The following CNBD1 variants were observed in gnomAD, a reference collection of about 807,000 sequenced individuals.
CNBD1 encodes cyclic nucleotide binding domain containing 1, also known as cyclic nucleotide-binding domain-containing protein 1.
Under a neutral mutation model 54.4 loss-of-function variants are expected in CNBD1, and 71 were observed. That is an observed-to-expected ratio of 1.30 (90% CI 1.08 to 1.59). The LOEUF is 1.59. Ranked by LOEUF, CNBD1 falls within the 40% of genes most tolerant of loss-of-function variation. CNBD1 has a pLI of 0.00. For missense variants in CNBD1, 659 were observed against 518.0 expected (o/e 1.27, Z -2.64); for synonymous variants, 182 against 170.7 (o/e 1.07, Z -0.51).
intron 8 of CNBD1, among the ~76,000 whole-genome samples, chr8:87,348,015 CT>C (rs575421301): frequency 6.4e-4 from 97 of 152,212 alleles, no homozygotes; most frequent in Non-Finnish European, 1.2e-3. Context: ...TTGTCTATAA[CT>C]GTTTTCCAAA....
At position 87,323,792 on chromosome 8, in the gene CNBD1, A is replaced by G. The variant is rs1241048993; in HGVS notation, c.1043-27893A>G. 2.0e-5 allele frequency among the ~76,000 whole-genome samples: 2 copies of G among 101,218 alleles called. 1 individual carries two copies. Among genetic ancestry groups the G allele is most frequent in the Non-Finnish European group, 4.9e-5 (2 of 40,948 alleles). 66.4% of individuals were successfully genotyped at this position (101,218 alleles called of 152,430 possible). ...CTCTTTTCCTAATTGAATACCCTTT[A>G]TTTCCTTCTCCTGCCTGATTGCCCT... is the stretch of plus-strand genomic sequence containing the variant. On this transcript the variant is annotated intron_variant, in intron 8 of 10. Transcript: ENST00000518476.
At chr8:87,111,594 C>T (rs7015103) in intron 4 of CNBD1, among the ~76,000 whole-genome samples, 14,037 of 152,146 alleles carry the variant, frequency 0.092, 2,078 homozygotes, top group African/African-American at 0.31. Flanking sequence ...GGTTTGAGAA[C>T]TGGCTCAGGG....
chr8:87,347,428 G>A (rs887873423), intron 8 of CNBD1, among the ~76,000 whole-genome samples: 2 of 152,264 alleles, frequency 1.3e-5, no homozygotes, highest in East Asian at 3.9e-4. Context: ...CCTTGATGGA[G>A]CTTGCATCCT....
intron 4 of CNBD1, among the ~76,000 whole-genome samples, chr8:87,132,601 T>C (rs1812140844): frequency 6.8e-6 from 1 of 148,098 alleles, no homozygotes; most frequent in Non-Finnish European, 1.5e-5. Context: ...TTCTTATATA[T>C]CAAGATATAT....
intron 4 of CNBD1, among the ~76,000 whole-genome samples, chr8:87,203,306 A>T (rs1418578608): frequency 6.6e-6 from 1 of 152,202 alleles, no homozygotes; most frequent in Non-Finnish European, 1.5e-5. Context: ...CATACATACT[A>T]TTATACATTT....
intron 10 of CNBD1, among the ~76,000 whole-genome samples, chr8:87,364,052 G>A (rs116264095): frequency 0.015 from 2,243 of 151,548 alleles, 57 homozygotes; most frequent in African/African-American, 0.048. Flanking sequence ...GTTTTCTAAG[G>A]TGTTTCTCAA....
At chr8:87,239,676 A>G (rs1807652857) in intron 6 of CNBD1, among the ~76,000 whole-genome samples, 1 of 152,178 alleles carries the variant, frequency 6.6e-6, no homozygotes. Context: ...CATCTAATCC[A>G]AGGATCAAAT....
chr8:86,945,130 C>T (rs1807436189), intron 4 of CNBD1, among the ~76,000 whole-genome samples: 1 of 152,072 alleles, frequency 6.6e-6, no homozygotes, highest in South Asian at 2.1e-4. Flanking sequence ...TTGGTTTCTT[C>T]ATAAATGACT....
chr8:87,318,050 A>T (rs2130896593), intron 8 of CNBD1, among the ~76,000 whole-genome samples: 1 of 152,090 alleles, frequency 6.6e-6, no homozygotes, highest in South Asian at 2.1e-4. Context: ...TAGAAATTTA[A>T]TTTGACTCAT....
At chr8:87,388,208 G>C (rs889706551) in intron 2 of CNBD1, among the ~76,000 whole-genome samples, 3 of 152,000 alleles carry the variant, frequency 2.0e-5, no homozygotes, top group African/African-American at 7.3e-5. Flanking sequence ...AGAAGCAAGA[G>C]AAAACACATT....
At chr8:87,370,422 A>G (rs1341545694) in intron 10 of CNBD1, among the ~76,000 whole-genome samples, 10 of 152,082 alleles carry the variant, frequency 6.6e-5, no homozygotes, top group Non-Finnish European at 1.0e-4. Context: ...TGCCATTCTA[A>G]CTGGTGTGAG....
At chr8:87,322,842 C>T (rs1352911148) in intron 8 of CNBD1, among the ~76,000 whole-genome samples, 1 of 114,108 alleles carries the variant, frequency 8.8e-6, no homozygotes, top group African/African-American at 3.4e-5. Context: ...TCTTTTGTTG[C>T]CATTGCTTTT....
At chr8:87,324,248 A>G (rs978231100) in intron 8 of CNBD1, among the ~76,000 whole-genome samples, 5 of 126,576 alleles carry the variant, frequency 4.0e-5, no homozygotes, top group African/African-American at 1.5e-4. Context: ...CATCAAGGAT[A>G]TTGATCTAAA....
chr8:86,963,397 C>G (rs760239019), intron 4 of CNBD1, among the ~76,000 whole-genome samples: 5 of 152,178 alleles, frequency 3.3e-5, no homozygotes, highest in African/African-American at 4.8e-5. Context: ...CTGTCATCTG[C>G]CTCAGGTCTA....
intron 4 of CNBD1, among the ~76,000 whole-genome samples, chr8:86,970,406 C>G (rs1808192481): frequency 6.6e-6 from 1 of 152,042 alleles, no homozygotes; most frequent in South Asian, 2.1e-4. Context: ...CACCAATTCC[C>G]CTTTTAGCTA....
intron 6 of CNBD1, among the ~76,000 whole-genome samples, chr8:87,255,985 A>G (rs1443990295): frequency 0.066 from 747 of 11,340 alleles, 17 homozygotes; most frequent in Non-Finnish European, 0.086. Flanking sequence ...ATATATATAT[A>G]TATATATATA....
intron 2 of CNBD1, among the ~76,000 whole-genome samples, chr8:87,405,035 A>T (rs1420857423): frequency 1.3e-5 from 2 of 150,172 alleles, no homozygotes; most frequent in Non-Finnish European, 2.9e-5. Context: ...CTGCTATCTT[A>T]TATATCAGTA....
At chr8:86,919,037 A>G (rs1165679718) in intron 3 of CNBD1, among the ~76,000 whole-genome samples, 1 of 151,918 alleles carries the variant, frequency 6.6e-6, no homozygotes, top group African/African-American at 2.4e-5. Context: ...TTTTAAAAAA[A>G]AAGAGAAAGG....
rs116776042 is a variant in CNBD1 at position 87,339,326 on chromosome 8, C to T, written c.1043-12359C>T. ...GGAGTTTTTGTGTCTCAGGCTTGCC[C>T]ACACCAAGCTCCAACAATTTGTCAG... On this transcript the variant is annotated intron_variant, in intron 8 of 10. Coordinates refer to ENST00000518476, the MANE Select transcript of CNBD1 (RefSeq NM_173538.3). 7.9e-4 allele frequency among the ~76,000 whole-genome samples: 113 copies of T among 142,292 alleles called. 1 individual carries two copies. Among genetic ancestry groups the T allele is most frequent in the African/African-American group, 2.7e-3 (109 of 40,614 alleles). The allele number at this position is 142,292 out of a possible 152,430, so 93.3% of individuals were successfully genotyped here. A position where few individuals can be genotyped will look rare whatever the true frequency, so the allele number is the denominator to read the frequency against.
Sources: gnomAD v4.1 joint callset for allele counts (sites outside exome capture counted in the v4.1 genomes callset) on GRCh38, gnomAD v4.1.1 for gene constraint, MANE v1.5 for transcripts, NCBI Gene and HGNC (gene_info 2026-07-23, HGNC 2026-07-21) for gene names.